Variants in BCHE observed in about 807,000 individuals in gnomAD.
The protein encoded by BCHE is butyrylcholinesterase.
A neutral mutation model predicts 51.3 loss-of-function variants in BCHE; 48 were observed. The ratio of observed to expected loss-of-function variants is 0.94; its 90% CI spans 0.74 to 1.19. BCHE has a LOEUF of 1.19. BCHE is among the 50% of genes most tolerant of loss of function. BCHE has a pLI of 0.00. For synonymous variants in BCHE, 251 were observed against 238.0 expected (o/e 1.05, Z -0.50); for missense variants, 847 against 708.2 (o/e 1.20, Z -2.23).
intron 1 of BCHE, 94 bp downstream of exon 1, chr3:165,837,220 C>A (rs1046585680): frequency 6.1e-6 from 5 of 823,766 alleles, no homozygotes; most frequent in Middle Eastern, 5.4e-4. Context: ...CAAAGGGACA[C>A]AACAAACACA....
At chr3:165,785,679 TA>T (rs1432806747) in intron 3 of BCHE, among the ~76,000 whole-genome samples, 1 of 151,740 alleles carries the variant, frequency 6.6e-6, no homozygotes, top group East Asian at 1.9e-4. Flanking sequence ...ATTGTGTTTT[TA>T]AATATGTAAA....
At chr3:165,820,732 G>A (rs1011806510) in intron 2 of BCHE, among the ~76,000 whole-genome samples, 5 of 151,962 alleles carry the variant, frequency 3.3e-5, no homozygotes, top group African/African-American at 1.2e-4. Flanking sequence ...CCAGATGACA[G>A]TCTCACAAAC....
chr3:165,818,069 T>C (rs527424511), intron 2 of BCHE, among the ~76,000 whole-genome samples: 3 of 152,204 alleles, frequency 2.0e-5, no homozygotes, highest in South Asian at 4.1e-4. Context: ...TTCAAAAATG[T>C]CTATCTGAGG....
At chr3:165,790,102 C>T (rs1005282819) in intron 2 of BCHE, among the ~76,000 whole-genome samples, 4 of 151,940 alleles carry the variant, frequency 2.6e-5, no homozygotes, top group Non-Finnish European at 5.9e-5. Flanking sequence ...CATAATAAAA[C>T]ATGTGATTGT....
intron 2 of BCHE, 113 bp from the exon 3 acceptor site, chr3:165,786,424 A>C (rs1456235845): frequency 1.2e-5 from 12 of 995,606 alleles, no homozygotes; most frequent in Non-Finnish European, 1.8e-5. Context: ...GACAGAAAAA[A>C]TGTGGATATA....
intron 2 of BCHE, among the ~76,000 whole-genome samples, chr3:165,813,795 A>G (rs1459323069): frequency 2.0e-5 from 3 of 151,942 alleles, no homozygotes; most frequent in Non-Finnish European, 4.4e-5. Flanking sequence ...AATGGTCTGC[A>G]TTGTACTAAA....
chr3:165,805,246 T>C (rs1395958909), intron 2 of BCHE, among the ~76,000 whole-genome samples: 1 of 151,948 alleles, frequency 6.6e-6, no homozygotes, highest in Non-Finnish European at 1.5e-5. Flanking sequence ...AATAGCAGAA[T>C]AAAAAAGCCA....
At chr3:165,788,417 T>C (rs887709989) in intron 2 of BCHE, among the ~76,000 whole-genome samples, 25 of 152,038 alleles carry the variant, frequency 1.6e-4, no homozygotes, top group African/African-American at 5.3e-4. Flanking sequence ...CATAGCAAGA[T>C]TGAAACCTCC....
intron 2 of BCHE, among the ~76,000 whole-genome samples, chr3:165,809,733 T>C (rs1430884713): frequency 6.6e-6 from 1 of 152,120 alleles, no homozygotes; most frequent in East Asian, 1.9e-4. Context: ...TATCATAATA[T>C]AGTACTCCCC....
In BCHE at chr3:165,823,073, G is replaced by A. The variant is rs914938312; in HGVS notation, c.1517+6444C>T. Among the ~76,000 whole-genome samples, 5 of 152,152 alleles carry A rather than the reference G, an allele frequency of 3.3e-5. No homozygotes were observed. The South Asian group carries it at 8.3e-4, about 25-fold the overall frequency. ...ATTTCTACAGGTAGCATTAGAGGAA[G>A]AACAAAACGAAGTAAAATATGTATA... On this transcript the variant is annotated intron_variant, in intron 2 of 3. Coordinates refer to ENST00000264381, the MANE Select transcript of BCHE (RefSeq NM_000055.4).
chr3:165,781,505 A>G (rs1210981588), intron 3 of BCHE, among the ~76,000 whole-genome samples: 1 of 152,030 alleles, frequency 6.6e-6, no homozygotes, highest in Non-Finnish European at 1.5e-5. Context: ...AAAACCGAAT[A>G]CTGCATGTTC....
chr3:165,798,417 A>AT, intron 2 of BCHE, among the ~76,000 whole-genome samples: 1 of 152,274 alleles, frequency 6.6e-6, no homozygotes, highest in Non-Finnish European at 1.5e-5. Context: ...TTTATTAGAA[A>AT]TTTTGTATCT....
Position 165,778,429 on chromosome 3 carries a change from T to A in BCHE, c.1685-4923A>T, listed in dbSNP as rs1311586093. On this transcript the variant is annotated intron_variant, in intron 3 of 3. Transcript: ENST00000264381. ...AACTCGTGAATATAGTAAAAGATTA[T>A]ACATTTATGAATCAATAACCAGAAC... 2.1e-5 allele frequency: 4 copies of A among 189,716 alleles called. No homozygotes were observed. In the East Asian group the frequency reaches 4.0e-4, roughly 19 times the overall value. 11.8% of individuals were successfully genotyped at this position (189,716 alleles called of 1,614,324 possible). A position where few individuals can be genotyped will look rare whatever the true frequency, so the allele number is the denominator to read the frequency against.
At chr3:165,837,254 A>G (rs1382166897) in intron 1 of BCHE, 60 bp downstream of exon 1, 2 of 1,078,140 alleles carry the variant, frequency 1.9e-6, no homozygotes, top group Non-Finnish European at 2.5e-6. Context: ...CTCATCCCAC[A>G]GAATGAGCTT....
chr3:165,817,413 C>G (rs1032509306), intron 2 of BCHE, among the ~76,000 whole-genome samples: 1 of 152,052 alleles, frequency 6.6e-6, no homozygotes, highest in African/African-American at 2.4e-5. Flanking sequence ...AACTAAATGT[C>G]TCACTCAGGA....
In BCHE at chr3:165,830,205, A is replaced by T. The variant is rs757823110; in HGVS notation, c.829T>A (p.Leu277Met). 6.2e-7 allele frequency: 1 copy of T among 1,614,022 alleles called. No individual in the cohort carries two copies. Among genetic ancestry groups the T allele is most frequent in the Non-Finnish European group, 8.5e-7 (1 of 1,179,940 alleles). The change falls in exon 2 of 4, where the codon TTG becomes ATG. Residue 277 changes from leucine (L) to methionine (M), a missense_variant. By Grantham distance (15) the Leu-to-Met change is conservative. Transcript: ENST00000264381. ...TCATTCTCTCTAGAGCAACCAGTCA[A>T]TTTAGCTAAGTTCAACGTTCTGTTC... ...ARNRTLNLAKLTGCSRENETE... is the reference protein window; with the variant it reads ...ARNRTLNLAKMTGCSRENETE...
At chr3:165,786,972 GC>G (rs1352874160) in intron 2 of BCHE, among the ~76,000 whole-genome samples, 9 of 151,620 alleles carry the variant, frequency 5.9e-5, no homozygotes, top group African/African-American at 9.7e-5. Flanking sequence ...TATACACCCA[GC>G]CAATAGGAGT....
chr3:165,780,102 A>G (rs771707763), intron 3 of BCHE, among the ~76,000 whole-genome samples: 7 of 152,160 alleles, frequency 4.6e-5, no homozygotes, highest in Non-Finnish European at 8.8e-5. Flanking sequence ...CTCAGAAATA[A>G]CATCATACAT....
rs112248089 is a variant in BCHE, at chr3:165,797,214, C to T, written c.1518-10903G>A. Reference sequence around the variant, plus strand: ...GTTCTTCCCTCCCTTCCTTCCTTCCCTCCTTCCCTCCTTCTTTCTTCCCTC... The same window carrying T: ...GTTCTTCCCTCCCTTCCTTCCTTCCTTCCTTCCCTCCTTCTTTCTTCCCTC... On this transcript the variant is annotated intron_variant, in intron 2 of 3. Transcript: ENST00000264381. Among the ~76,000 whole-genome samples the T allele has an allele frequency of 1.4e-3, 5 of 3,660 alleles. 1 individual carries two copies. The highest frequency in any genetic ancestry group is 2.2e-3 in the African/African-American group (2 of 898). The allele number at this position is 3,660 out of a possible 152,430, so 2.4% of individuals were successfully genotyped here.
Sources: allele counts gnomAD v4.1 joint callset (sites outside exome capture counted in the v4.1 genomes callset), GRCh38; gene constraint gnomAD v4.1.1; transcripts MANE v1.5; gene names NCBI Gene and HGNC (gene_info 2026-07-23, HGNC 2026-07-21).